Variants in AFAP1 observed in about 807,000 individuals in gnomAD.
AFAP1 encodes actin filament-associated protein 1.
AFAP1 carries 75 observed loss-of-function variants against 93.9 expected under a neutral mutation model. The observed-to-expected ratio is 0.80, with a 90% CI of 0.66 to 0.97. The LOEUF is 0.97. AFAP1 is among the 50% of genes least tolerant of loss of function. The pLI, the probability that AFAP1 is intolerant of heterozygous loss-of-function variation, is 0.00. For synonymous variants in AFAP1, 517 were observed against 430.7 expected, an observed-to-expected ratio of 1.20 and a Z score of -2.48; for missense variants, 1,201 against 1,050.8, an observed-to-expected ratio of 1.14 and a Z score of -1.98.
chr4:7,918,855 G>A (rs1314785900), intron 1 of AFAP1, among the ~76,000 whole-genome samples: 3 of 138,464 alleles, frequency 2.2e-5, no homozygotes, highest in Non-Finnish European at 4.6e-5. Flanking sequence ...GAGACGCTCG[G>A]CCCAGGTCAC....
At chr4:7,830,180 A>G (rs770824679) in intron 6 of AFAP1, among the ~76,000 whole-genome samples, 1 of 152,210 alleles carries the variant, frequency 6.6e-6, no homozygotes, top group Admixed American at 6.5e-5. Context: ...TGAAATCTGC[A>G]TTGCTATTTG....
At chr4:7,855,234 A>G (rs970271456) in intron 4 of AFAP1, among the ~76,000 whole-genome samples, 1 of 152,238 alleles carries the variant, frequency 6.6e-6, no homozygotes, top group South Asian at 2.1e-4. Context: ...ATAAGCTTTC[A>G]CTACCTCTGA....
chr4:7,848,827 T>C (rs1047310875), intron 4 of AFAP1, among the ~76,000 whole-genome samples: 12 of 152,288 alleles, frequency 7.9e-5, no homozygotes, highest in African/African-American at 2.6e-4. Flanking sequence ...TGGGCAGGAA[T>C]TGCTATCATA....
At chr4:7,793,876 A>G (rs1718133327) in intron 10 of AFAP1, 50 bp from the exon 11 acceptor site, 2 of 1,448,012 alleles carry the variant, frequency 1.4e-6, no homozygotes, top group South Asian at 1.6e-5. Context: ...AGATTTTTAC[A>G]TTTTCATAAA....
intron 1 of AFAP1, among the ~76,000 whole-genome samples, chr4:7,936,997 T>A (rs1019134392): frequency 2.6e-5 from 4 of 152,214 alleles, no homozygotes; most frequent in African/African-American, 9.6e-5. Context: ...AAATGTTAGG[T>A]TGAAACATAC....
chr4:7,850,396 C>A (rs1006683239), intron 4 of AFAP1, among the ~76,000 whole-genome samples: 1 of 152,188 alleles, frequency 6.6e-6, no homozygotes, highest in Admixed American at 6.5e-5. Flanking sequence ...CCCATAACAT[C>A]AGAAATGCCA....
rs182767745 is a variant in AFAP1 at position 7,875,290 on chromosome 4, C to T, written c.-2-3210G>A. Among the ~76,000 whole-genome samples the T allele has an allele frequency of 5.0e-4, 76 of 152,200 alleles. 2 individuals carry two copies. In the East Asian group the frequency reaches 0.011, roughly 22 times the overall value. On this transcript the variant is annotated intron_variant, in intron 1 of 17. Transcript: ENST00000420658. ...CAAGGCTCTCATCATTTTAGGTAAGCGGGAGAGAAATGGTAAATGAGCTTA... is the reference window on the plus strand; with the variant it reads ...CAAGGCTCTCATCATTTTAGGTAAGTGGGAGAGAAATGGTAAATGAGCTTA...
At chr4:7,830,723 C>T (rs1031001703) in intron 6 of AFAP1, among the ~76,000 whole-genome samples, 1 of 152,104 alleles carries the variant, frequency 6.6e-6, no homozygotes, top group Admixed American at 6.5e-5. Flanking sequence ...GATCCTCCTG[C>T]CTCTGCCCCT....
intron 9 of AFAP1, among the ~76,000 whole-genome samples, chr4:7,806,535 T>C (rs1212901215): frequency 6.6e-6 from 1 of 152,154 alleles, no homozygotes; most frequent in Non-Finnish European, 1.5e-5. Flanking sequence ...CGGCCCTTCA[T>C]CTCCCTGGAA....
rs1560236282 is a variant in AFAP1, at chr4:7,918,924, CGG to C, written c.-3+20730_-3+20731del. On this transcript the variant is annotated intron_variant, in intron 1 of 17. Coordinates refer to ENST00000420658, the MANE Select transcript of AFAP1 (RefSeq NM_001134647.2). ...CCAGGTCACCAGGAAACAGGGCTGC[CGG>C]ATGAGACACTCGGCCCAGGTCACCA... is the stretch of plus-strand genomic sequence containing the variant. Among the ~76,000 whole-genome samples the C allele has an allele frequency of 5.9e-4, 66 of 112,444 alleles. 1 individual carries two copies. Among genetic ancestry groups the C allele is most frequent in the Admixed American group, 1.3e-3 (14 of 10,626 alleles). The allele number at this position is 112,444 out of a possible 152,430, so 73.8% of individuals were successfully genotyped here. A position where few individuals can be genotyped will look rare whatever the true frequency, so the allele number is the denominator to read the frequency against.
Position 7,786,290 on chromosome 4 carries a change from T to A in AFAP1, c.1434A>T (p.Ile478=). Residue 478 remains isoleucine, a synonymous_variant, in exon 12 of 18, where the codon ATA becomes ATT. Coordinates refer to ENST00000420658, the MANE Select transcript of AFAP1 (RefSeq NM_001134647.2). ...QTFCFMNRRV[I]SANPYLGGTS... Reference sequence around the variant, plus strand: ...TGCCCCCTAGATATGGGTTAGCAGATATAACACGCCTGTTCATGAAACTGA... The same window carrying A: ...TGCCCCCTAGATATGGGTTAGCAGAAATAACACGCCTGTTCATGAAACTGA... 2 of 1,614,100 alleles carry A rather than the reference T, an allele frequency of 1.2e-6. No individual in the cohort carries two copies. The highest frequency in any genetic ancestry group is 1.1e-5 in the South Asian group (1 of 91,078).
intron 1 of AFAP1, among the ~76,000 whole-genome samples, chr4:7,917,909 C>G (rs2149232938): frequency 6.6e-6 from 1 of 152,308 alleles, no homozygotes; most frequent in South Asian, 2.1e-4. Flanking sequence ...GCAAAGAGAC[C>G]AGGGCAGTGA....
intron 12 of AFAP1, among the ~76,000 whole-genome samples, chr4:7,785,242 G>A (rs1318870194): frequency 6.6e-6 from 1 of 152,142 alleles, no homozygotes; most frequent in Non-Finnish European, 1.5e-5. Context: ...GAGGCCTGCT[G>A]ATTACACGTA....
chr4:7,777,266 G>T (rs753943547), intron 14 of AFAP1: 8 of 152,228 alleles, frequency 5.3e-5, no homozygotes, highest in Non-Finnish European at 1.0e-4. Context: ...AAGGTCAAAG[G>T]AAGTTAGTAC....
intron 1 of AFAP1, among the ~76,000 whole-genome samples, chr4:7,882,188 C>G (rs571556555): frequency 6.6e-6 from 1 of 151,644 alleles, no homozygotes; most frequent in East Asian, 1.9e-4. Flanking sequence ...TATGCAGATA[C>G]GCTTGAAACT....
intron 1 of AFAP1, among the ~76,000 whole-genome samples, chr4:7,883,089 G>T (rs548908877): frequency 1.5e-4 from 23 of 150,918 alleles, no homozygotes; most frequent in African/African-American, 5.6e-4. Context: ...GGAGGCTGAG[G>T]CAGGAGGATC....
chr4:7,763,858 C>T (rs1039781773), intron 17 of AFAP1, 67 bp from the exon 18 acceptor site: 67 of 1,501,818 alleles, frequency 4.5e-5, no homozygotes, highest in Non-Finnish European at 6.1e-5. Flanking sequence ...GCCACGCCAC[C>T]ATCCACATTC....
intron 1 of AFAP1, among the ~76,000 whole-genome samples, chr4:7,886,434 G>T (rs1223688523): frequency 6.6e-6 from 1 of 152,176 alleles, no homozygotes; most frequent in Non-Finnish European, 1.5e-5. Context: ...CTGAAAGTGG[G>T]ATCTTTAAAA....
intron 3 of AFAP1, 118 bp downstream of exon 3, chr4:7,868,504 C>G: frequency 1.2e-6 from 1 of 827,006 alleles, no homozygotes; most frequent in Admixed American, 3.0e-5. Context: ...AAAGGAGTGC[C>G]TCGAGACAAA....
Sources: allele counts gnomAD v4.1 joint callset (sites outside exome capture counted in the v4.1 genomes callset), GRCh38; gene constraint gnomAD v4.1.1; transcripts MANE v1.5; gene names NCBI Gene and HGNC (gene_info 2026-07-23, HGNC 2026-07-21).